GRM8: variants seen among roughly 807,000 people sequenced by gnomAD.
GRM8 encodes glutamate metabotropic receptor 8.
In GRM8, 47 loss-of-function variants were observed where a neutral mutation model predicts 87.2. That is an observed-to-expected ratio of 0.54 (90% CI 0.43 to 0.69). The LOEUF (loss-of-function observed/expected upper bound fraction) is 0.69, where lower values mean the gene tolerates loss of function less well. Ranked by LOEUF, GRM8 falls within the 30% of genes least tolerant of loss-of-function variation. GRM8 has a pLI of 0.00. For synonymous variants in GRM8, 396 were observed against 404.5 expected (o/e 0.98, Z 0.25); for missense variants, 1,019 against 1,139.2 (o/e 0.89, Z 1.52).
chr7:126,897,250 G>T (rs1374559313), intron 6 of GRM8, among the ~76,000 whole-genome samples: 1 of 152,024 alleles, frequency 6.6e-6, no homozygotes, highest in Non-Finnish European at 1.5e-5. Flanking sequence ...TTCACTATTG[G>T]GTCCTCACTA....
chr7:126,474,850 A>C (rs1304840041), intron 9 of GRM8, among the ~76,000 whole-genome samples: 2 of 152,218 alleles, frequency 1.3e-5, no homozygotes, highest in African/African-American at 2.4e-5. Flanking sequence ...AATTAATGTG[A>C]TACACCACAC....
chr7:127,208,800 TG>T (rs143003977), intron 2 of GRM8, among the ~76,000 whole-genome samples: 13,362 of 152,314 alleles, frequency 0.088, 642 homozygotes, highest in African/African-American at 0.12. Flanking sequence ...CACCACATGC[TG>T]CCTGTAATTG....
chr7:127,185,745 A>T (rs182332250), intron 2 of GRM8, among the ~76,000 whole-genome samples: 1 of 152,276 alleles, frequency 6.6e-6, no homozygotes, highest in Admixed American at 6.5e-5. Flanking sequence ...GAAGGAAGAG[A>T]TCCAGGATCC....
intron 7 of GRM8, among the ~76,000 whole-genome samples, chr7:126,643,037 T>A (rs377261025): frequency 6.6e-6 from 1 of 151,808 alleles, no homozygotes; most frequent in Non-Finnish European, 1.5e-5. Context: ...AAGCCTATAA[T>A]CCCAGCATGT....
At chr7:126,943,927 C>T (rs1195259674) in intron 3 of GRM8, among the ~76,000 whole-genome samples, 3 of 152,190 alleles carry the variant, frequency 2.0e-5, no homozygotes, top group Non-Finnish European at 4.4e-5. Context: ...ACTCGTTTCA[C>T]CCACGTGCTT....
intron 2 of GRM8, among the ~76,000 whole-genome samples, chr7:127,149,802 G>A (rs1438580112): frequency 6.6e-6 from 1 of 151,908 alleles, no homozygotes; most frequent in Admixed American, 6.6e-5. Flanking sequence ...AGGCAGACAC[G>A]GGGGAAAAAA....
At chr7:126,738,425 A>G (rs1355337275) in intron 7 of GRM8, among the ~76,000 whole-genome samples, 3 of 152,130 alleles carry the variant, frequency 2.0e-5, no homozygotes, top group Non-Finnish European at 2.9e-5. Flanking sequence ...TGAAATACTG[A>G]AAGCAAGTTT....
chr7:126,500,993 C>T (rs1385701653), intron 9 of GRM8, among the ~76,000 whole-genome samples: 2 of 151,964 alleles, frequency 1.3e-5, no homozygotes, highest in African/African-American at 2.4e-5. Context: ...TATTTTAGAA[C>T]AGTCCTTTAT....
intron 8 of GRM8, among the ~76,000 whole-genome samples, chr7:126,556,421 T>C (rs1014223031): frequency 2.1e-5 from 3 of 141,130 alleles, no homozygotes; most frequent in Non-Finnish European, 4.6e-5. Context: ...CCGAGGTGGG[T>C]GGATCACCTG....
chr7:126,902,536 G>A lies in GRM8; in HGVS notation c.1156+6C>T. Reference sequence around the variant, plus strand: ...AATGCACCACAGGAAACATTTGAGTGGTTACCTGTGCATTTCTTTATATGA... The same window carrying A: ...AATGCACCACAGGAAACATTTGAGTAGTTACCTGTGCATTTCTTTATATGA... On this transcript the variant is annotated splice_donor_region_variant and intron_variant, in intron 6 of 10. Coordinates refer to ENST00000339582, the MANE Select transcript of GRM8 (RefSeq NM_000845.3). The A allele has an allele frequency of 6.4e-7, 1 of 1,570,616 alleles. No homozygotes were observed. Among genetic ancestry groups the A allele is most frequent in the Non-Finnish European group, 8.6e-7 (1 of 1,160,484 alleles).
chr7:127,251,656 G>A (rs1798876357), intron 1 of GRM8, among the ~76,000 whole-genome samples: 1 of 151,400 alleles, frequency 6.6e-6, no homozygotes, highest in Non-Finnish European at 1.5e-5. Context: ...CGGCGCGCTG[G>A]GGATGCAGCC....
Position 126,692,719 on chromosome 7 carries a change from C to A in GRM8, c.1357+77146G>T, listed in dbSNP as rs536624390. The stretch of plus-strand genomic sequence containing the variant: ...TCTGACTGGAAAAAAAAATAAAACA[C>A]TGCAATTTTTTCTCTTCCCTATTGA... On this transcript the variant is annotated intron_variant, in intron 7 of 10. Coordinates refer to ENST00000339582, the MANE Select transcript of GRM8 (RefSeq NM_000845.3). 4.6e-5 allele frequency among the ~76,000 whole-genome samples: 7 copies of A among 152,246 alleles called. No homozygotes were observed. The East Asian group carries it at 7.7e-4, about 17-fold the overall frequency.
rs543239365 is a variant in GRM8, at chr7:127,131,778, C to G, written c.511-25066G>C. Among the ~76,000 whole-genome samples, 5 of 152,130 alleles carry G rather than the reference C, an allele frequency of 3.3e-5. No individual in the cohort carries two copies. In the East Asian group the frequency reaches 9.7e-4, roughly 29 times the overall value. ...CCATAATTTTGTGGTGGGAGACTTG[C>G]TGCATGTCTATTATTTCTTGCTATA... On this transcript the variant is annotated intron_variant, in intron 2 of 10. Coordinates refer to ENST00000339582, the MANE Select transcript of GRM8 (RefSeq NM_000845.3).
At chr7:126,897,199 T>C (rs1801627677) in intron 6 of GRM8, among the ~76,000 whole-genome samples, 1 of 152,170 alleles carries the variant, frequency 6.6e-6, no homozygotes, top group South Asian at 2.1e-4. Flanking sequence ...GAGCTGGCTT[T>C]TGTTTAGCAG....
chr7:127,184,870 T>C (rs537655321), intron 2 of GRM8, among the ~76,000 whole-genome samples: 1 of 151,992 alleles, frequency 6.6e-6, no homozygotes, highest in East Asian at 1.9e-4. Flanking sequence ...TGAGAGAAAA[T>C]ACATTTGCAA....
At position 127,120,117 on chromosome 7, in the gene GRM8, T is replaced by C. The variant is rs955047434; in HGVS notation, c.511-13405A>G. On this transcript the variant is annotated intron_variant, in intron 2 of 10. Transcript: ENST00000339582. Reference sequence around the variant, plus strand: ...GGGTCCTCAAGTCATAGCTGGCCAATTGGCTGGGTTCCAGAATTATGTGAG... The same window carrying C: ...GGGTCCTCAAGTCATAGCTGGCCAACTGGCTGGGTTCCAGAATTATGTGAG... 3.4e-4 allele frequency among the ~76,000 whole-genome samples: 51 copies of C among 152,232 alleles called. 2 individuals carry two copies. The highest frequency in any genetic ancestry group is 1.2e-3 in the African/African-American group (49 of 41,554).
intron 6 of GRM8, among the ~76,000 whole-genome samples, chr7:126,831,682 G>A (rs1179456458): frequency 1.3e-5 from 2 of 152,102 alleles, no homozygotes; most frequent in Non-Finnish European, 2.9e-5. Context: ...CCCTGCTTCA[G>A]CTGGTGCACA....
intron 6 of GRM8, among the ~76,000 whole-genome samples, chr7:126,806,370 GAC>G (rs1420625980): frequency 6.6e-6 from 1 of 152,232 alleles, no homozygotes; most frequent in South Asian, 2.1e-4. Flanking sequence ...AGCTGGCACG[GAC>G]ACAGAGTGAG....
intron 7 of GRM8, among the ~76,000 whole-genome samples, chr7:126,628,920 G>C (rs79844539): frequency 1.3e-5 from 2 of 150,532 alleles, no homozygotes; most frequent in African/African-American, 4.9e-5. Flanking sequence ...AGAGGGAGGA[G>C]GAGGAAAAAA....
Sources: allele counts gnomAD v4.1 joint callset (sites outside exome capture counted in the v4.1 genomes callset), GRCh38; gene constraint gnomAD v4.1.1; transcripts MANE v1.5; gene names NCBI Gene and HGNC (gene_info 2026-07-23, HGNC 2026-07-21).